Variants in TJP2 observed in about 807,000 individuals in gnomAD.
TJP2 encodes the protein tight junction protein 2, also known as Friedreich ataxia region gene X104 (tight junction protein ZO-2).
Under a neutral mutation model 133.1 loss-of-function variants are expected in TJP2, and 91 were observed. That is an observed-to-expected ratio of 0.68 (90% confidence interval 0.58 to 0.81). TJP2 has a LOEUF of 0.81. TJP2 is among the 40% of genes least tolerant of loss of function. The pLI is 0.00. For missense variants in TJP2, 1,541 were observed against 1,565.6 expected (o/e 0.98, Z 0.26); for synonymous variants, 592 against 583.4 (o/e 1.01, Z -0.21).
rs187570733 is a variant in TJP2, at chr9:69,212,555, G to T, written c.68G>T (p.Gly23Val). Residue 23 changes from glycine (G) to valine (V), a missense_variant, in exon 2 of 23, where the codon GGC (glycine) becomes GTC (valine). Gly to Val is a moderately radical substitution (Grantham distance 109). Transcript: ENST00000377245. The stretch of plus-strand genomic sequence containing the variant: ...TTTGTTCTTTTAAAACAGGCCCCAG[G>T]CATGGAAGAGCTGATATGGGAACAG... ...RELSGWLRAP[G>V]MEELIWEQYT... is the part of the protein sequence containing the mutation. The T allele has an allele frequency of 6.2e-7, 1 of 1,612,868 alleles. No homozygotes were observed. Among genetic ancestry groups the T allele is most frequent in the Non-Finnish European group, 8.5e-7 (1 of 1,179,112 alleles).
In TJP2 at chr9:69,206,125, T is replaced by C. The variant is rs116323590; in HGVS notation, c.61-6423T>C. Among the ~76,000 whole-genome samples, 537 of 152,336 alleles carry C rather than the reference T, an allele frequency of 3.5e-3. 6 individuals are homozygous for C. Among genetic ancestry groups the C allele is most frequent in the African/African-American group, 0.013 (527 of 41,574 alleles). ...CTCACTTTTAACTTTCCATGAGGTC[T>C]TAAGAATGACCTGTTAGATATAAAG... is the stretch of plus-strand genomic sequence containing the variant. On this transcript the variant is annotated intron_variant, in intron 1 of 22. Transcript: ENST00000377245.
intron 4 of TJP2, 183 bp downstream of exon 4, chr9:69,218,542 G>C (rs892338179): frequency 2.6e-5 from 17 of 645,504 alleles, no homozygotes; most frequent in Non-Finnish European, 4.2e-5. Flanking sequence ...ACTTTTCCTT[G>C]TGTCTTCTCC....
chr9:69,254,119 C>A (rs1831534729), intron 22 of TJP2, 90 bp from the exon 23 acceptor site: 17 of 1,442,298 alleles, frequency 1.2e-5, no homozygotes, highest in African/African-American at 2.8e-5. Context: ...GCTCGGGATA[C>A]CCAGTCACTG....
chr9:69,222,366 A>G (rs1310040179), intron 5 of TJP2, among the ~76,000 whole-genome samples: 3 of 142,500 alleles, frequency 2.1e-5, no homozygotes, highest in Non-Finnish European at 4.6e-5. Context: ...CAGTAGAGAC[A>G]GGTTGGCCAG....
chr9:69,230,275 A>G, intron 11 of TJP2, 43 bp downstream of exon 11: 1 of 1,612,690 alleles, frequency 6.2e-7, no homozygotes, highest in East Asian at 2.2e-5. Context: ...ACTTGTAAGG[A>G]GTGCACTTTT....
At chr9:69,250,313 A>C (rs1345785983) in intron 20 of TJP2, among the ~76,000 whole-genome samples, 1 of 152,156 alleles carries the variant, frequency 6.6e-6, no homozygotes, top group Non-Finnish European at 1.5e-5. Flanking sequence ...CATGTTGGCC[A>C]GGCTGGTCTC....
At chr9:69,205,895 T>C (rs1044188478) in intron 1 of TJP2, among the ~76,000 whole-genome samples, 4 of 152,326 alleles carry the variant, frequency 2.6e-5, no homozygotes, top group Middle Eastern at 3.4e-3. Context: ...TGGGGTTGGC[T>C]TTTAACATGT....
At chr9:69,199,866 T>A (rs984590013) in intron 1 of TJP2, among the ~76,000 whole-genome samples, 1 of 152,178 alleles carries the variant, frequency 6.6e-6, no homozygotes, top group Admixed American at 6.5e-5. Flanking sequence ...TGGTGGGCTG[T>A]GTACACTCTC....
chr9:69,222,120 C>T (rs1418424204), intron 5 of TJP2, among the ~76,000 whole-genome samples: 4 of 151,448 alleles, frequency 2.6e-5, no homozygotes, highest in Non-Finnish European at 5.9e-5. Context: ...GATCTGCCCA[C>T]TGCAGCCTCC....
At chr9:69,179,513 T>TTC (rs1410874637) in intron 1 of TJP2, among the ~76,000 whole-genome samples, 2 of 135,548 alleles carry the variant, frequency 1.5e-5, no homozygotes, top group South Asian at 2.3e-4. Flanking sequence ...TTTTCTTTCT[T>TTC]TTTTTTTTTT....
At chr9:69,210,555 A>G (rs1052317821) in intron 1 of TJP2, among the ~76,000 whole-genome samples, 15 of 152,126 alleles carry the variant, frequency 9.9e-5, no homozygotes, top group Non-Finnish European at 4.4e-5. Flanking sequence ...GGAGTTTTAC[A>G]TAATTTAGAT....
Position 69,221,504 on chromosome 9 carries a change from T to G in TJP2, c.952+8T>G, listed in dbSNP as rs1207989375. Reference sequence around the variant, plus strand: ...AAAGCAGAGCGAACGAAGGTAGGCATGCTTGATGTGGGAAGAAAAGCACTG... The same window carrying G: ...AAAGCAGAGCGAACGAAGGTAGGCAGGCTTGATGTGGGAAGAAAAGCACTG... On this transcript the variant is annotated splice_region_variant and intron_variant, in intron 5 of 22. Transcript: ENST00000377245. The G allele has an allele frequency of 6.2e-7, 1 of 1,601,214 alleles. No individual in the cohort carries two copies. The highest frequency in any genetic ancestry group is 8.5e-7 in the Non-Finnish European group (1 of 1,173,652).
intron 1 of TJP2, among the ~76,000 whole-genome samples, chr9:69,180,989 T>TG (rs1265085707): frequency 6.6e-6 from 1 of 152,172 alleles, no homozygotes; most frequent in Non-Finnish European, 1.5e-5. Flanking sequence ...TGACTTGATT[T>TG]GGGGCAGGCT....
At chr9:69,236,619 G>A (rs1830211019) in intron 13 of TJP2, among the ~76,000 whole-genome samples, 1 of 152,130 alleles carries the variant, frequency 6.6e-6, no homozygotes, top group Admixed American at 6.5e-5. Context: ...TGAACACTTG[G>A]TGTTTGGCTG....
rs549429581 is a variant in TJP2 at position 69,139,591 on chromosome 9, T to C, written c.-130-12060T>C. Reference sequence around the variant, plus strand: ...TGGTCTTGGACTCGCAGGCATGAGATAATGAATTTCTGTTGTTTAAGCCAC... The same window carrying C: ...TGGTCTTGGACTCGCAGGCATGAGACAATGAATTTCTGTTGTTTAAGCCAC... On this transcript the variant is annotated intron_variant, in intron 1 of 5. Coordinates refer to the TJP2 transcript ENST00000423935. Among the ~76,000 whole-genome samples the C allele has an allele frequency of 1.6e-4, 25 of 152,306 alleles. No individual in the cohort carries two copies. The South Asian group carries it at 5.0e-3, about 30-fold the overall frequency.
intron 4 of TJP2, among the ~76,000 whole-genome samples, chr9:69,219,852 C>A (rs7874888): frequency 6.6e-6 from 1 of 151,448 alleles, no homozygotes; most frequent in Non-Finnish European, 1.5e-5. Context: ...CCCTCTACCC[C>A]ACCCCCCACT....
At position 69,134,729 on chromosome 9, in the gene TJP2, G is replaced by A. The variant is rs958049471; in HGVS notation, c.-131+13004G>A. On this transcript the variant is annotated intron_variant, in intron 1 of 5. Transcript: ENST00000423935. ...CTACGACCTGTGTCTTAGTCAGCTC[G>A]GGCTGCTATAATGAAGTACCAATGA... Among the ~76,000 whole-genome samples the A allele has an allele frequency of 8.5e-5, 13 of 152,154 alleles. No homozygotes were observed. In the East Asian group the frequency reaches 9.6e-4, roughly 11 times the overall value.
chr9:69,233,234 C>A (rs1164275542), intron 11 of TJP2, among the ~76,000 whole-genome samples: 1 of 152,176 alleles, frequency 6.6e-6, no homozygotes, highest in Non-Finnish European at 1.5e-5. Flanking sequence ...TAGTCTAATG[C>A]CGACTTTCAC....
chr9:69,154,416 C>G (rs1457739141), intron 2 of TJP2, among the ~76,000 whole-genome samples: 2 of 152,162 alleles, frequency 1.3e-5, no homozygotes, highest in Admixed American at 1.3e-4. Flanking sequence ...CTCTCCTCTG[C>G]CATTCTGGAG....
Sources: allele counts gnomAD v4.1 joint callset (sites outside exome capture counted in the v4.1 genomes callset), GRCh38; gene constraint gnomAD v4.1.1; transcripts MANE v1.5; gene names NCBI Gene and HGNC (gene_info 2026-07-23, HGNC 2026-07-21).